SNTG2: variants seen among roughly 807,000 people sequenced by gnomAD.
The protein encoded by SNTG2 is gamma-2-syntrophin.
SNTG2 carries 74 observed loss-of-function variants against 70.9 expected under a neutral mutation model. The ratio of observed to expected loss-of-function variants is 1.04; its 90% CI spans 0.86 to 1.27. SNTG2 has a LOEUF of 1.27. Ranked by LOEUF, SNTG2 falls within the 50% of genes most tolerant of loss-of-function variation. The pLI is 0.00. For missense variants in SNTG2, 717 were observed against 690.7 expected, an observed-to-expected ratio of 1.04 and a Z score of -0.43; for synonymous variants, 278 against 273.8, an observed-to-expected ratio of 1.02 and a Z score of -0.15.
At chr2:1,141,777 G>A (rs1668765611) in intron 6 of SNTG2, among the ~76,000 whole-genome samples, 1 of 32,576 alleles carries the variant, frequency 3.1e-5, no homozygotes, top group Non-Finnish European at 6.2e-5. Context: ...TATCTGTTCA[G>A]CTCTGTACTC....
intron 4 of SNTG2, among the ~76,000 whole-genome samples, chr2:1,099,683 G>GGTCAGGTCCTC (rs1558398064): frequency 2.2e-4 from 7 of 32,474 alleles, no homozygotes; most frequent in South Asian, 2.3e-3. Context: ...GAGGGCAGTT[G>GGTCAGGTCCTC]TGGTGAGGGC....
chr2:1,172,959 A>G, intron 7 of SNTG2, 133 bp from the exon 8 acceptor site: 1 of 745,520 alleles, frequency 1.3e-6, no homozygotes, highest in South Asian at 1.7e-5. Context: ...GGGATGACCC[A>G]GCCCATAACT....
chr2:1,233,244 A>T (rs186013314), intron 9 of SNTG2, among the ~76,000 whole-genome samples: 2 of 152,220 alleles, frequency 1.3e-5, no homozygotes, highest in African/African-American at 4.8e-5. Context: ...CCCACAGCAC[A>T]AGGGAAGCAG....
chr2:1,134,420 T>A (rs4971473), intron 4 of SNTG2, among the ~76,000 whole-genome samples: 1 of 150,402 alleles, frequency 6.6e-6, no homozygotes, highest in Non-Finnish European at 1.5e-5. Context: ...GGTTCTCCAC[T>A]TCCCCACTAG....
chr2:1,126,036 CAATA>C (rs987935220), intron 4 of SNTG2, among the ~76,000 whole-genome samples: 28 of 152,186 alleles, frequency 1.8e-4, no homozygotes, highest in Middle Eastern at 3.4e-3. Context: ...TGAAAATAAA[CAATA>C]TATTATTGCT....
chr2:1,340,791 T>C (rs1215074753), intron 16 of SNTG2, among the ~76,000 whole-genome samples: 3 of 152,264 alleles, frequency 2.0e-5, no homozygotes, highest in African/African-American at 7.2e-5. Flanking sequence ...CTTTTTGTTA[T>C]TAATAATTCA....
intron 12 of SNTG2, 84 bp from the exon 13 acceptor site, chr2:1,259,286 T>G: frequency 8.7e-7 from 1 of 1,144,992 alleles, no homozygotes; most frequent in South Asian, 1.3e-5. Flanking sequence ...TGGACACACA[T>G]GCAGTCACAC....
intron 9 of SNTG2, among the ~76,000 whole-genome samples, chr2:1,225,588 C>T (rs1450860468): frequency 6.6e-6 from 1 of 152,114 alleles, no homozygotes; most frequent in African/African-American, 2.4e-5. Context: ...TTACGGTTGG[C>T]AGGAAACATT....
chr2:1,319,071 G>A (rs942406673), intron 16 of SNTG2, among the ~76,000 whole-genome samples: 6 of 152,214 alleles, frequency 3.9e-5, no homozygotes, highest in African/African-American at 1.2e-4. Flanking sequence ...TCAGTATCAG[G>A]TCACCTAAGA....
At position 1,237,972 on chromosome 2, in the gene SNTG2, G is replaced by C. The variant is rs1403787055; in HGVS notation, c.804G>C (p.Trp268Cys). ...ACACAGCCCAGGATGGCACCGACTG[G>C]CTGCGGGCGGTCTCAGCCAACATCA... Reference protein sequence around the residue: ...RFYTAQDGTDWLRAVSANIRE... With the variant: ...RFYTAQDGTDCLRAVSANIRE... Residue 268 changes from tryptophan (W) to cysteine (C), a missense_variant, in exon 10 of 17, where the codon TGG becomes TGC. Trp to Cys is a radical substitution (Grantham distance 215). Transcript: ENST00000308624. 1.9e-6 allele frequency: 3 copies of C among 1,609,918 alleles called. No individual in the cohort carries two copies. The highest frequency in any genetic ancestry group is 2.5e-6 in the Non-Finnish European group (3 of 1,178,612).
At chr2:1,015,497 C>T (rs1558311607) in intron 1 of SNTG2, among the ~76,000 whole-genome samples, 1 of 152,016 alleles carries the variant, frequency 6.6e-6, no homozygotes. Flanking sequence ...ATTTTAAAAA[C>T]AATAAGGCAG....
intron 1 of SNTG2, among the ~76,000 whole-genome samples, chr2:1,038,759 A>G (rs1027241313): frequency 1.3e-5 from 2 of 152,188 alleles, no homozygotes; most frequent in Admixed American, 1.3e-4. Flanking sequence ...CTGGTAAATC[A>G]AGTAACTAAA....
At chr2:1,215,313 A>T (rs1221957928) in intron 9 of SNTG2, among the ~76,000 whole-genome samples, 4 of 152,232 alleles carry the variant, frequency 2.6e-5, no homozygotes, top group South Asian at 2.1e-4. Context: ...AAGAATTGGT[A>T]TAAGTTTTTC....
intron 9 of SNTG2, 111 bp from the exon 10 acceptor site, chr2:1,237,777 C>T: frequency 7.3e-7 from 1 of 1,373,984 alleles, no homozygotes; most frequent in South Asian, 1.4e-5. Flanking sequence ...TGCAGTTGCC[C>T]CATGTCCTGG....
chr2:1,247,286 C>A, intron 11 of SNTG2, 41 bp from the exon 12 acceptor site: 1 of 1,233,070 alleles, frequency 8.1e-7, no homozygotes, highest in Non-Finnish European at 1.2e-6. Flanking sequence ...TGACAGTATG[C>A]CCTCATTAAG....
chr2:1,027,840 GC>G (rs1298083079), intron 1 of SNTG2, among the ~76,000 whole-genome samples: 1 of 150,864 alleles, frequency 6.6e-6, no homozygotes, highest in African/African-American at 2.4e-5. Flanking sequence ...CACTGAAGGT[GC>G]GTCTGACCCA....
At chr2:1,017,410 CAT>C (rs1221987361) in intron 1 of SNTG2, among the ~76,000 whole-genome samples, 1 of 152,176 alleles carries the variant, frequency 6.6e-6, no homozygotes, top group African/African-American at 2.4e-5. Context: ...CATGCAGACA[CAT>C]GGAGCTACGT....
intron 2 of SNTG2, among the ~76,000 whole-genome samples, chr2:1,091,249 G>T (rs1246559287): frequency 6.6e-6 from 1 of 152,174 alleles, no homozygotes; most frequent in Non-Finnish European, 1.5e-5. Flanking sequence ...CTCATCACCT[G>T]CCCTGATAGT....
chr2:1,195,202 C>T (rs750966004), intron 8 of SNTG2, among the ~76,000 whole-genome samples: 1 of 152,126 alleles, frequency 6.6e-6, no homozygotes, highest in Non-Finnish European at 1.5e-5. Context: ...GTGCATGTGT[C>T]TTTATAGTAG....
Sources: allele counts gnomAD v4.1 joint callset (sites outside exome capture counted in the v4.1 genomes callset), GRCh38; gene constraint gnomAD v4.1.1; transcripts MANE v1.5; gene names NCBI Gene and HGNC (gene_info 2026-07-23, HGNC 2026-07-21).